BSPRY: variants seen among roughly 807,000 people sequenced by gnomAD.
The protein encoded by BSPRY is B-box and SPRY domain containing, also known as B box and SPRY domain-containing protein.
In BSPRY, 33 loss-of-function variants were observed where a neutral mutation model predicts 38.0. The observed-to-expected ratio is 0.87, with a 90% CI of 0.66 to 1.16. The LOEUF is 1.16. Among genes scored for constraint, BSPRY ranks in the 50% most tolerant of loss-of-function variants. The pLI is 0.00. For synonymous variants in BSPRY, 224 were observed against 228.5 expected, an observed-to-expected ratio of 0.98 and a Z score of 0.18; for missense variants, 523 against 533.2, an observed-to-expected ratio of 0.98 and a Z score of 0.19.
intron 1 of BSPRY, among the ~76,000 whole-genome samples, chr9:113,351,201 AC>A (rs1833966481): frequency 6.6e-6 from 1 of 152,168 alleles, no homozygotes. Context: ...TAGTTTCGGT[AC>A]TACCCTAGGG....
Position 113,360,719 on chromosome 9 carries a change from G to A in BSPRY, c.513G>A (p.Leu171=). The A allele has an allele frequency of 6.3e-7, 1 of 1,593,520 alleles. No homozygotes were observed. The highest frequency in any genetic ancestry group is 8.5e-7 in the Non-Finnish European group (1 of 1,170,962). The part of the protein sequence containing the change: ...RTGLVGMLTH[L]DDLQLIQKEQ... ...GCCTGGTGGGCATGCTTACTCACCT[G>A]GATGACCTCCAGCTGATTGTAAGTC... The change falls in exon 3 of 6, where the codon CTG becomes CTA. Residue 171 remains leucine (L), a synonymous_variant. Transcript: ENST00000374183.
At chr9:113,365,625 T>C (rs1482566077) in intron 4 of BSPRY, among the ~76,000 whole-genome samples, 1 of 152,094 alleles carries the variant, frequency 6.6e-6, no homozygotes, top group Non-Finnish European at 1.5e-5. Context: ...TGGAGAATGA[T>C]ATTTAGAAAC....
intron 3 of BSPRY, among the ~76,000 whole-genome samples, chr9:113,361,419 C>T (rs1339353687): frequency 2.0e-5 from 3 of 152,200 alleles, no homozygotes; most frequent in Non-Finnish European, 2.9e-5. Flanking sequence ...ATGTGAAGCA[C>T]TGTGCTATGG....
chr9:113,354,243 A>G lies in BSPRY; in HGVS notation c.205A>G (p.Lys69Glu), dbSNP rs202215549. 1.4e-4 allele frequency: 226 copies of G among 1,614,028 alleles called. No individual in the cohort carries two copies. Among genetic ancestry groups the G allele is most frequent in the Admixed American group, 4.7e-4 (28 of 60,014 alleles). The change falls in exon 2 of 6, where the codon AAG becomes GAG. Residue 69 changes from lysine (K) to glutamate (E), a missense_variant. Transcript: ENST00000374183. ...AEERAEELRN[K>E]IVDQCERLQL... ...ACAAGCGTTGTTTGTGTTGCAGAAC[A>G]AGATTGTGGACCAGTGTGAGAGGCT...
intron 3 of BSPRY, among the ~76,000 whole-genome samples, chr9:113,361,824 G>A (rs1260562007): frequency 6.6e-6 from 1 of 152,122 alleles, no homozygotes; most frequent in African/African-American, 2.4e-5. Flanking sequence ...ATATAGATAG[G>A]CAGCTGCCTG....
intron 2 of BSPRY, among the ~76,000 whole-genome samples, chr9:113,355,781 A>T (rs778769293): frequency 2.6e-5 from 4 of 151,552 alleles, no homozygotes; most frequent in Non-Finnish European, 5.9e-5. Flanking sequence ...CACCCAGCTA[A>T]TTTTTTGTAT....
intron 4 of BSPRY, among the ~76,000 whole-genome samples, chr9:113,364,185 TCAAAAAAAA>T (rs1834206475): frequency 1.3e-5 from 2 of 151,944 alleles, no homozygotes; most frequent in African/African-American, 2.4e-5. Flanking sequence ...AAACCCTGTC[TCAAAAAAAA>T]CAAAAAAATC....
chr9:113,359,081 T>A (rs756620786), intron 2 of BSPRY, among the ~76,000 whole-genome samples: 2 of 152,136 alleles, frequency 1.3e-5, no homozygotes, highest in Non-Finnish European at 2.9e-5. Context: ...CAATAGTGAA[T>A]GAATGTTATT....
At position 113,363,968 on chromosome 9, in the gene BSPRY, C is replaced by G. The variant is rs547384959; in HGVS notation, c.557+1574C>G. On this transcript the variant is annotated intron_variant, in intron 4 of 5. Coordinates refer to ENST00000374183, the MANE Select transcript of BSPRY (RefSeq NM_017688.3). The stretch of plus-strand genomic sequence containing the variant: ...CTTAGGGAGGCCTAGGCAGGCAGAT[C>G]GCTTGAGGTCAGGAGTTCACAACCA... 2.7e-5 allele frequency among the ~76,000 whole-genome samples: 4 copies of G among 149,808 alleles called. No homozygotes were observed. In the South Asian group the frequency reaches 8.5e-4, roughly 32 times the overall value.
At chr9:113,356,536 T>C (rs1472774150) in intron 2 of BSPRY, among the ~76,000 whole-genome samples, 1 of 151,702 alleles carries the variant, frequency 6.6e-6, no homozygotes, top group Non-Finnish European at 1.5e-5. Flanking sequence ...TTGGCTGCTA[T>C]GTTTAGAAGT....
At chr9:113,357,977 T>C (rs1253774766) in intron 2 of BSPRY, among the ~76,000 whole-genome samples, 1 of 134,722 alleles carries the variant, frequency 7.4e-6, no homozygotes, top group African/African-American at 2.7e-5. Flanking sequence ...CTGAGCATGG[T>C]AGCTCATGCC....
intron 1 of BSPRY, among the ~76,000 whole-genome samples, chr9:113,353,629 G>C (rs1834006625): frequency 6.6e-6 from 1 of 152,030 alleles, no homozygotes; most frequent in African/African-American, 2.4e-5. Flanking sequence ...CTTGAACCTG[G>C]GAGGTGGAAG....
chr9:113,364,490 ATTT>A (rs1175054879), intron 4 of BSPRY, among the ~76,000 whole-genome samples: 1 of 151,958 alleles, frequency 6.6e-6, no homozygotes, highest in Non-Finnish European at 1.5e-5. Flanking sequence ...AGCTGATCTG[ATTT>A]TTTAATTGAT....
chr9:113,368,146 C>A, intron 4 of BSPRY, 113 bp from the exon 5 acceptor site: 1 of 1,379,418 alleles, frequency 7.2e-7, no homozygotes, highest in Non-Finnish European at 1.0e-6. Flanking sequence ...AGCTGCCAAT[C>A]TTGGTATCGC....
rs2118937730 is a variant in BSPRY, at chr9:113,369,717, T to A, written c.784T>A (p.Cys262Ser). 1.3e-5 allele frequency: 21 copies of A among 1,614,214 alleles called. No homozygotes were observed. Among genetic ancestry groups the A allele is most frequent in the Non-Finnish European group, 1.7e-5 (20 of 1,180,036 alleles). ...LTFSTKKSKA[C>S]ADGPERFDHW... ...CTTCAGCACCAAGAAGTCAAAGGCC[T>A]GTGCAGATGGCCCGGAGCGCTTCGA... Residue 262 changes from cysteine (C) to serine (S), a missense_variant, in exon 6 of 6, where the codon TGT (cysteine) becomes AGT (serine). Physicochemically the swap from Cys to Ser is moderately radical, Grantham distance 112 (BLOSUM62 -1). Coordinates refer to ENST00000374183, the MANE Select transcript of BSPRY (RefSeq NM_017688.3).
rs770228595 is a variant in BSPRY, at chr9:113,369,857, C to A, written c.924C>A (p.Pro308=). The change falls in exon 6 of 6, where the codon CCC becomes CCA. Residue 308 remains proline, a synonymous_variant. Transcript: ENST00000374183. ...YKVGVASGHL[P]RKGSGSDCRL... Reference sequence around the variant, plus strand: ...TGGGCGTGGCTTCAGGCCACCTGCCCCGCAAGGGTTCTGGCAGTGACTGCC... The same window carrying A: ...TGGGCGTGGCTTCAGGCCACCTGCCACGCAAGGGTTCTGGCAGTGACTGCC... 1 of 1,614,108 alleles carries A rather than the reference C, an allele frequency of 6.2e-7. No homozygotes were observed. Among genetic ancestry groups the A allele is most frequent in the African/African-American group, 1.3e-5 (1 of 74,948 alleles).
In BSPRY at chr9:113,362,301, T is replaced by C. The variant is rs1834168129; in HGVS notation, c.532-68T>C. The C allele has an allele frequency of 1.2e-5, 19 of 1,573,220 alleles. No homozygotes were observed. In the South Asian group the frequency reaches 2.0e-4, roughly 17 times the overall value. ...CATGGAGCCCTTTCTGGTAGTTAAA[T>C]CTGTCTTAGCATTGACTCCCTGCTG... On this transcript the variant is annotated intron_variant, in intron 3 of 5. Coordinates refer to ENST00000374183, the MANE Select transcript of BSPRY (RefSeq NM_017688.3).
chr9:113,354,730 C>T (rs749124764), intron 2 of BSPRY, among the ~76,000 whole-genome samples: 31 of 152,118 alleles, frequency 2.0e-4, no homozygotes, highest in Non-Finnish European at 3.5e-4. Flanking sequence ...GAAAATGGGT[C>T]CTTATAGAGG....
intron 2 of BSPRY, among the ~76,000 whole-genome samples, chr9:113,356,884 T>A (rs1028340222): frequency 6.6e-6 from 1 of 152,054 alleles, no homozygotes; most frequent in Non-Finnish European, 1.5e-5. Flanking sequence ...CATGCTAAGT[T>A]GTTGTGGGCA....
Sources: allele counts gnomAD v4.1 joint callset (sites outside exome capture counted in the v4.1 genomes callset), GRCh38; gene constraint gnomAD v4.1.1; transcripts MANE v1.5; gene names NCBI Gene and HGNC (gene_info 2026-07-23, HGNC 2026-07-21).